The following SLC66A2 variants were observed in gnomAD, a reference collection of about 807,000 sequenced individuals.
SLC66A2 encodes the protein PQ loop repeat containing 1.
SLC66A2 carries 23 observed loss-of-function variants against 25.5 expected under a neutral mutation model. That is an observed-to-expected ratio of 0.90 (90% CI 0.65 to 1.28). The LOEUF (loss-of-function observed/expected upper bound fraction) is 1.28, where lower values mean the gene tolerates loss of function less well. SLC66A2 is among the 50% of genes most tolerant of loss of function. The pLI, the probability that SLC66A2 is intolerant of heterozygous loss-of-function variation, is 0.00. For missense variants in SLC66A2, 396 were observed against 373.1 expected (o/e 1.06, Z -0.51); for synonymous variants, 193 against 166.5 (o/e 1.16, Z -1.23).
intron 4 of SLC66A2, among the ~76,000 whole-genome samples, chr18:79,931,879 C>T (rs746391360): frequency 7.2e-5 from 11 of 152,056 alleles, no homozygotes; most frequent in East Asian, 5.8e-4. Context: ...TGGCCAGGGA[C>T]GGTGGCACAC....
rs1599583123 is a variant in SLC66A2, at chr18:79,925,414, G to A, written c.392-6014C>T. 2.6e-5 allele frequency among the ~76,000 whole-genome samples: 4 copies of A among 152,368 alleles called. No homozygotes were observed. In the South Asian group the frequency reaches 8.3e-4, roughly 32 times the overall value. Reference sequence around the variant, plus strand: ...AGACTCACACGCCGTGACTTCCCGAGATGTGTTTCTAGAGAGCGGCACCAA... The same window carrying A: ...AGACTCACACGCCGTGACTTCCCGAAATGTGTTTCTAGAGAGCGGCACCAA... On this transcript the variant is annotated intron_variant, in intron 4 of 5. Coordinates refer to ENST00000397778, the MANE Select transcript of SLC66A2 (RefSeq NM_025078.5).
intron 5 of SLC66A2, among the ~76,000 whole-genome samples, chr18:79,909,364 A>C (rs1475361297): frequency 6.6e-6 from 1 of 152,112 alleles, no homozygotes; most frequent in Admixed American, 6.6e-5. Flanking sequence ...TTCAAGGGTG[A>C]GTCCAGAAAC....
chr18:79,942,466 G>A (rs553240001), intron 3 of SLC66A2, among the ~76,000 whole-genome samples: 7 of 152,248 alleles, frequency 4.6e-5, no homozygotes, highest in South Asian at 2.1e-4. Flanking sequence ...ACGAAGTAGC[G>A]GTCAGGAATA....
intron 2 of SLC66A2, among the ~76,000 whole-genome samples, chr18:79,950,249 C>G (rs2145001320): frequency 6.6e-6 from 1 of 152,282 alleles, no homozygotes; most frequent in Middle Eastern, 3.4e-3. Flanking sequence ...GTCCCAGCTA[C>G]TCGGGAGGCT....
intron 4 of SLC66A2, 51 bp downstream of exon 4, chr18:79,933,918 G>C: frequency 1.3e-6 from 2 of 1,507,674 alleles, no homozygotes; most frequent in Non-Finnish European, 1.8e-6. Flanking sequence ...ACAGCTGCAG[G>C]AATGAAGCAA....
chr18:79,928,283 G>C (rs1218110672), intron 4 of SLC66A2, among the ~76,000 whole-genome samples: 1 of 152,252 alleles, frequency 6.6e-6, no homozygotes, highest in Non-Finnish European at 1.5e-5. Flanking sequence ...CTTCAGGACA[G>C]TTCCAGGAGT....
In SLC66A2 at chr18:79,933,963, AC is replaced by A; in HGVS notation, c.391+5del. 6.2e-7 allele frequency: 1 copy of A among 1,611,200 alleles called. No homozygotes were observed. The highest frequency in any genetic ancestry group is 8.5e-7 in the Non-Finnish European group (1 of 1,178,878). On this transcript the variant is annotated splice_donor_5th_base_variant and intron_variant, in intron 4 of 5. Transcript: ENST00000397778. ...GCTGCGGACAGTGCACGCGCAGGGT[AC>A]ATACCCAGGAAGGACCGCCTGGGGG...
At chr18:79,928,056 G>T (rs149615951) in intron 4 of SLC66A2, among the ~76,000 whole-genome samples, 1,583 of 152,318 alleles carry the variant, frequency 0.01, 10 homozygotes, top group Non-Finnish European at 0.014. Context: ...CCCAACGGTG[G>T]ACAGGTGAGA....
At chr18:79,929,186 C>T (rs1408645523) in intron 4 of SLC66A2, among the ~76,000 whole-genome samples, 1 of 152,204 alleles carries the variant, frequency 6.6e-6, no homozygotes, top group Non-Finnish European at 1.5e-5. Context: ...AAGAGGAGCA[C>T]TCCTGGGAAC....
intron 4 of SLC66A2, among the ~76,000 whole-genome samples, chr18:79,933,549 A>G (rs1409644871): frequency 6.6e-6 from 1 of 152,268 alleles, no homozygotes; most frequent in Non-Finnish European, 1.5e-5. Flanking sequence ...ATTGCATGAT[A>G]CAAGATCAAC....
intron 4 of SLC66A2, among the ~76,000 whole-genome samples, chr18:79,925,864 T>C (rs889773250): frequency 6.6e-6 from 1 of 152,216 alleles, no homozygotes; most frequent in African/African-American, 2.4e-5. Flanking sequence ...CTGGCTAAGA[T>C]GAGGCTGAGG....
rs1568286206 is a variant in SLC66A2, at chr18:79,904,783, T to C, written c.609-600A>G. On this transcript the variant is annotated intron_variant, in intron 5 of 5. Coordinates refer to ENST00000397778, the MANE Select transcript of SLC66A2 (RefSeq NM_025078.5). This position sits in a 1 kb window ranked among gnomAD's most constrained non-coding sequence, Gnocchi z 6.3. The stretch of plus-strand genomic sequence containing the variant: ...ACCCACCATCCCAGTCCGAACACGC[T>C]TCCCCCACCGCTGTGTTCATGCCCT... Among the ~76,000 whole-genome samples the C allele has an allele frequency of 2.0e-5, 3 of 152,168 alleles. No individual in the cohort carries two copies. Among genetic ancestry groups the C allele is most frequent in the Admixed American group, 2.0e-4 (3 of 15,286 alleles).
chr18:79,921,963 G>A (rs533791142), intron 4 of SLC66A2, among the ~76,000 whole-genome samples: 1 of 151,992 alleles, frequency 6.6e-6, no homozygotes, highest in East Asian at 1.9e-4. Context: ...GTCAGAGGAG[G>A]AGAGACGGGA....
chr18:79,912,800 C>G (rs1286343956), intron 5 of SLC66A2, among the ~76,000 whole-genome samples: 1 of 152,176 alleles, frequency 6.6e-6, no homozygotes, highest in African/African-American at 2.4e-5. Flanking sequence ...GCTGAACCCT[C>G]CTGTCACATG....
intron 5 of SLC66A2, among the ~76,000 whole-genome samples, chr18:79,909,627 C>T (rs1482421620): frequency 4.7e-5 from 4 of 84,382 alleles, no homozygotes; most frequent in Non-Finnish European, 1.0e-4. Flanking sequence ...CCACAGAGTC[C>T]GCAACCTTCC....
chr18:79,946,633 G>A (rs994752041), intron 2 of SLC66A2, among the ~76,000 whole-genome samples: 1 of 152,138 alleles, frequency 6.6e-6, no homozygotes, highest in Non-Finnish European at 1.5e-5. Context: ...AACTGACCAG[G>A]CCCACAGAAA....
At chr18:79,915,438 T>A (rs532302812) in intron 5 of SLC66A2, 1 of 152,482 alleles carries the variant, frequency 6.6e-6, no homozygotes, top group South Asian at 2.1e-4. Flanking sequence ...ACGCTGCTGC[T>A]CCTGGTCCCC....
At chr18:79,934,992 G>A (rs1305073306) in intron 3 of SLC66A2, among the ~76,000 whole-genome samples, 1 of 152,158 alleles carries the variant, frequency 6.6e-6, no homozygotes, top group Non-Finnish European at 1.5e-5. Flanking sequence ...CATACAAAGT[G>A]CAGTCTTCTC....
At position 79,927,021 on chromosome 18, in the gene SLC66A2, GAAAAAACA is replaced by G. The variant is rs778653922; in HGVS notation, c.391+6940_391+6947del. Reference sequence around the variant, plus strand: ...TTAAAAATACAAATCGACTCTCCAGGAAAAAACAAAAAAACGAAAAAACTTCTCACTTC... The same window carrying G: ...TTAAAAATACAAATCGACTCTCCAGGAAAAAACGAAAAAACTTCTCACTTC... On this transcript the variant is annotated intron_variant, in intron 4 of 5. Transcript: ENST00000397778. This position sits in a 1 kb window ranked among gnomAD's most constrained non-coding sequence, Gnocchi z 6.2. Among the ~76,000 whole-genome samples, 11 of 151,982 alleles carry G rather than the reference GAAAAAACA, an allele frequency of 7.2e-5. No individual in the cohort carries two copies. The highest frequency in any genetic ancestry group is 1.7e-4 in the African/African-American group (7 of 41,392).
Sources: allele counts gnomAD v4.1 joint callset (sites outside exome capture counted in the v4.1 genomes callset), GRCh38; gene constraint gnomAD v4.1.1; non-coding constraint Gnocchi (gnomAD v3.1); transcripts MANE v1.5; gene names NCBI Gene and HGNC (gene_info 2026-07-23, HGNC 2026-07-21).